CEP126: variants seen among roughly 807,000 people sequenced by gnomAD.
The protein encoded by CEP126 is centrosomal protein 126.
CEP126 carries 74 observed loss-of-function variants against 107.8 expected under a neutral mutation model. The observed-to-expected ratio is 0.69, with a 90% CI of 0.57 to 0.83. The LOEUF is 0.83. Among genes scored for constraint, CEP126 ranks in the 40% least tolerant of loss-of-function variants. CEP126 has a pLI of 0.00. For synonymous variants in CEP126, 449 were observed against 446.0 expected (o/e 1.01, Z -0.08); for missense variants, 1,237 against 1,281.9 (o/e 0.96, Z 0.53).
chr11:101,968,784 G>A (rs10895232), intron 6 of CEP126, among the ~76,000 whole-genome samples: 8,905 of 152,182 alleles, frequency 0.059, 489 homozygotes, highest in East Asian at 0.27. Flanking sequence ...GAGAAATTTT[G>A]TAGGAAAATG....
At chr11:101,924,585 C>T (rs1479790917) in intron 2 of CEP126, among the ~76,000 whole-genome samples, 1 of 152,140 alleles carries the variant, frequency 6.6e-6, no homozygotes, top group African/African-American at 2.4e-5. Context: ...CCTGCCTCAA[C>T]CCCCCGAATA....
At chr11:101,979,255 A>C (rs916585005) in intron 7 of CEP126, among the ~76,000 whole-genome samples, 2 of 152,206 alleles carry the variant, frequency 1.3e-5, no homozygotes, top group Admixed American at 6.5e-5. Context: ...GAGTTATATA[A>C]TTCTCAAGGG....
intron 4 of CEP126, among the ~76,000 whole-genome samples, chr11:101,952,239 G>A (rs1050365449): frequency 9.2e-5 from 14 of 152,220 alleles, no homozygotes; most frequent in Non-Finnish European, 1.3e-4. Context: ...AGTGAGAAGA[G>A]AGTTGTGGGC....
chr11:101,975,367 A>G (rs540611349), intron 6 of CEP126, among the ~76,000 whole-genome samples: 1 of 152,348 alleles, frequency 6.6e-6, no homozygotes, highest in South Asian at 2.1e-4. Flanking sequence ...ATAAAACTAC[A>G]TATGTCTCCA....
chr11:101,985,860 C>T (rs946574108), intron 8 of CEP126, among the ~76,000 whole-genome samples: 19 of 152,198 alleles, frequency 1.2e-4, no homozygotes, highest in Admixed American at 1.0e-3. Flanking sequence ...AGAACCTTCC[C>T]AATACAGACA....
At chr11:101,946,421 T>A (rs1293849313) in intron 3 of CEP126, among the ~76,000 whole-genome samples, 1 of 151,746 alleles carries the variant, frequency 6.6e-6, no homozygotes, top group Non-Finnish European at 1.5e-5. Flanking sequence ...AGTGGGAGGG[T>A]TGCTTGAGCC....
chr11:101,961,952 C>T lies in CEP126; in HGVS notation c.917C>T (p.Thr306Ile). The change falls in exon 6 of 11, where the codon ACT (threonine) becomes ATT (isoleucine). Residue 306 changes from threonine (T) to isoleucine (I), a missense_variant. Around this residue, in one of 3 missense-constraint regions of CEP126, gnomAD observed 1,134 missense variants for 1,150.5 expected, o/e 0.99. Coordinates refer to ENST00000263468, the MANE Select transcript of CEP126 (RefSeq NM_020802.4). ...FDEDKLAFSK[T>I]QHINNWLTNL... ...GAAGATAAACTGGCATTCTCTAAAA[C>T]TCAACATATAAATAATTGGCTTACA... 1.2e-6 allele frequency: 2 copies of T among 1,610,256 alleles called. No homozygotes were observed. Among genetic ancestry groups the T allele is most frequent in the Non-Finnish European group, 1.7e-6 (2 of 1,178,230 alleles).
intron 2 of CEP126, among the ~76,000 whole-genome samples, chr11:101,925,064 T>C (rs1217042597): frequency 1.3e-5 from 2 of 152,210 alleles, no homozygotes; most frequent in Non-Finnish European, 2.9e-5. Context: ...TCCCCTTTGT[T>C]TCCGGCTCCA....
In CEP126 at chr11:101,963,634, G is replaced by C. The variant is rs1941017303; in HGVS notation, c.2599G>C (p.Asp867His). 1.9e-6 allele frequency: 3 copies of C among 1,613,982 alleles called. No homozygotes were observed. The highest frequency in any genetic ancestry group is 2.5e-6 in the Non-Finnish European group (3 of 1,180,004). Residue 867 changes from aspartate to histidine, a missense_variant, in exon 6 of 11, where the codon GAC (aspartate) becomes CAC (histidine). By Grantham distance (81) the Asp-to-His change is moderately conservative (BLOSUM62 -1). Transcript: ENST00000263468. ...TTCTCCACTCTCAAATGCTTGTTCT[G>C]ACCTAGTCACTGTGATACCATCACT... ...SSSPLSNACS[D>H]LVTVIPSLPS...
In CEP126 at chr11:101,962,335, T is replaced by G; in HGVS notation, c.1300T>G (p.Phe434Val). ...TTCTCTAACCCAGGAAGTGGCTACATTTCCAGACCAAGAGAAATATTCTGA... is the reference window on the plus strand; with the variant it reads ...TTCTCTAACCCAGGAAGTGGCTACAGTTCCAGACCAAGAGAAATATTCTGA... ...SDSLTQEVAT[F>V]PDQEKYSELN... The change falls in exon 6 of 11, where the codon TTT becomes GTT. Residue 434 changes from phenylalanine (F) to valine (V), a missense_variant. Coordinates refer to ENST00000263468, the MANE Select transcript of CEP126 (RefSeq NM_020802.4). The G allele has an allele frequency of 1.9e-6, 3 of 1,613,524 alleles. No homozygotes were observed. Among genetic ancestry groups the G allele is most frequent in the South Asian group, 2.2e-5 (2 of 90,976 alleles).
intron 3 of CEP126, among the ~76,000 whole-genome samples, chr11:101,946,715 C>A (rs1025896739): frequency 1.3e-5 from 2 of 151,716 alleles, no homozygotes; most frequent in African/African-American, 4.8e-5. Flanking sequence ...CAAAAGTTAG[C>A]CAGGCATGGT....
At chr11:101,988,470 G>A (rs546959318) in intron 9 of CEP126, among the ~76,000 whole-genome samples, 110 of 152,084 alleles carry the variant, frequency 7.2e-4, no homozygotes, top group African/African-American at 2.6e-3. Context: ...AAGTGATAAC[G>A]GTTGACAACT....
Position 101,971,752 on chromosome 11 carries a change from A to C in CEP126, c.2846-6595A>C, listed in dbSNP as rs751952736. Reference sequence around the variant, plus strand: ...TAGAAAAGAATGTATGTGACATATAAGAACAAGTTAAGACTGATAATAAGA... The same window carrying C: ...TAGAAAAGAATGTATGTGACATATACGAACAAGTTAAGACTGATAATAAGA... On this transcript the variant is annotated intron_variant, in intron 6 of 10. Transcript: ENST00000263468. Among the ~76,000 whole-genome samples the C allele has an allele frequency of 2.0e-5, 3 of 152,212 alleles. No individual in the cohort carries two copies. In the East Asian group the frequency reaches 5.8e-4, roughly 29 times the overall value.
chr11:101,984,959 G>A (rs1221864639), intron 8 of CEP126, among the ~76,000 whole-genome samples: 3 of 152,186 alleles, frequency 2.0e-5, no homozygotes, highest in Non-Finnish European at 2.9e-5. Flanking sequence ...CAGGTATTCT[G>A]GTGATGTTAC....
chr11:101,987,580 C>T (rs1285679586), intron 9 of CEP126, among the ~76,000 whole-genome samples: 3 of 151,706 alleles, frequency 2.0e-5, no homozygotes, highest in East Asian at 3.9e-4. Flanking sequence ...GAAGATCTTT[C>T]CACCATAAAG....
intron 10 of CEP126, among the ~76,000 whole-genome samples, chr11:101,993,534 G>C (rs929760189): frequency 6.6e-6 from 1 of 152,168 alleles, no homozygotes; most frequent in South Asian, 2.1e-4. Context: ...ATGTCTTTAT[G>C]ATAGAATGAT....
intron 2 of CEP126, among the ~76,000 whole-genome samples, chr11:101,926,712 G>T (rs1055576953): frequency 2.0e-5 from 3 of 152,172 alleles, no homozygotes; most frequent in African/African-American, 7.2e-5. Context: ...AGCATTGCCA[G>T]AAATGGAATT....
chr11:101,972,470 G>A (rs935579383), intron 6 of CEP126, among the ~76,000 whole-genome samples: 2 of 150,698 alleles, frequency 1.3e-5, no homozygotes, highest in Non-Finnish European at 3.0e-5. Context: ...CTTCCCAATT[G>A]CATCCCCTTC....
At chr11:101,946,323 C>T (rs1940735597) in intron 3 of CEP126, among the ~76,000 whole-genome samples, 1 of 151,358 alleles carries the variant, frequency 6.6e-6, no homozygotes, top group African/African-American at 2.4e-5. Flanking sequence ...TCCTGGGCAA[C>T]ATGATGAAAC....
Sources: allele counts gnomAD v4.1 joint callset (sites outside exome capture counted in the v4.1 genomes callset), GRCh38; gene constraint gnomAD v4.1.1; regional missense constraint gnomAD v4.1.1; transcripts MANE v1.5; gene names NCBI Gene and HGNC (gene_info 2026-07-23, HGNC 2026-07-21).